The following DOCK2 variants were observed in gnomAD, a reference collection of about 807,000 sequenced individuals.
The protein encoded by DOCK2 is dedicator of cytokinesis 2.
A neutral mutation model predicts 248.9 loss-of-function variants in DOCK2; 87 were observed. The observed-to-expected ratio is 0.35, with a 90% CI of 0.29 to 0.42. The LOEUF (loss-of-function observed/expected upper bound fraction) is 0.42, where lower values mean the gene tolerates loss of function less well. DOCK2 is among the 10% of genes least tolerant of loss of function. The pLI, the probability that DOCK2 is intolerant of heterozygous loss-of-function variation, is 1.00. For missense variants in DOCK2, 1,747 were observed against 2,300.2 expected (o/e 0.76, Z 4.92); for synonymous variants, 805 against 821.6 (o/e 0.98, Z 0.35).
At chr5:169,718,382 C>T (rs1762015665) in intron 21 of DOCK2, among the ~76,000 whole-genome samples, 1 of 152,152 alleles carries the variant, frequency 6.6e-6, no homozygotes, top group Non-Finnish European at 1.5e-5. Context: ...CCATTATTCC[C>T]ACTTGTAGCC....
intron 27 of DOCK2, chr5:169,935,009 C>T: frequency 3.9e-6 from 1 of 257,470 alleles, no homozygotes; most frequent in Non-Finnish European, 7.7e-6. Flanking sequence ...CTGACTGCAG[C>T]CATCTAAGAT....
chr5:170,022,372 T>G (rs1755759454), intron 33 of DOCK2, among the ~76,000 whole-genome samples: 1 of 152,196 alleles, frequency 6.6e-6, no homozygotes, highest in Non-Finnish European at 1.5e-5. Context: ...GGCAATCTCT[T>G]TCTCTGCTCT....
At chr5:169,965,034 C>T (rs1284269722) in intron 27 of DOCK2, among the ~76,000 whole-genome samples, 1 of 152,220 alleles carries the variant, frequency 6.6e-6, no homozygotes, top group Non-Finnish European at 1.5e-5. Context: ...TTCATTCAAT[C>T]GCCAAACATC....
intron 1 of DOCK2, among the ~76,000 whole-genome samples, chr5:169,641,286 T>C (rs976414137): frequency 2.0e-5 from 3 of 152,158 alleles, no homozygotes; most frequent in Non-Finnish European, 2.9e-5. Context: ...GAGGGCACAA[T>C]TCAAACCATA....
intron 27 of DOCK2, among the ~76,000 whole-genome samples, chr5:169,901,296 C>T (rs1159033014): frequency 6.6e-6 from 1 of 152,116 alleles, no homozygotes; most frequent in Non-Finnish European, 1.5e-5. Flanking sequence ...GGATGGAATC[C>T]AGAGAGCAGG....
At chr5:170,078,927 A>G (rs769743023) in intron 48 of DOCK2, 48 bp from the exon 49 acceptor site, 26 of 1,606,592 alleles carry the variant, frequency 1.6e-5, no homozygotes, top group Non-Finnish European at 2.2e-5. Context: ...AGGCAGTTCT[A>G]CTGAAGCTCT....
At chr5:169,932,907 A>C (rs577193301) in intron 27 of DOCK2, among the ~76,000 whole-genome samples, 1 of 152,270 alleles carries the variant, frequency 6.6e-6, no homozygotes, top group Non-Finnish European at 1.5e-5. Context: ...CCAATCCTGC[A>C]TCCTCAAACT....
intron 1 of DOCK2, among the ~76,000 whole-genome samples, chr5:169,637,817 T>C (rs1016363945): frequency 1.4e-4 from 22 of 152,110 alleles, no homozygotes; most frequent in Non-Finnish European, 2.8e-4. Flanking sequence ...CCCCTGTCTG[T>C]TCCTCCTGGG....
chr5:169,642,772 G>A (rs911194508), intron 1 of DOCK2, among the ~76,000 whole-genome samples: 8 of 152,178 alleles, frequency 5.3e-5, no homozygotes, highest in Admixed American at 4.6e-4. Context: ...CACCTCATTA[G>A]GCAGTGGACA....
Position 169,915,471 on chromosome 5 carries a change from A to G in DOCK2, c.2800-67597A>G, listed in dbSNP as rs529257818. 4.4e-4 allele frequency among the ~76,000 whole-genome samples: 67 copies of G among 152,170 alleles called. 1 individual carries two copies. The highest frequency in any genetic ancestry group is 4.1e-3 in the East Asian group (21 of 5,178). ...ATTTACCCAAGGTCATGTAACTAAT[A>G]TATTGAATCTCAGATGTTTTAATGA... is the stretch of plus-strand genomic sequence containing the variant. On this transcript the variant is annotated intron_variant, in intron 27 of 51. Coordinates refer to ENST00000520908, the MANE Select transcript of DOCK2 (RefSeq NM_004946.3).
chr5:170,024,510 A>G (rs898163197), intron 33 of DOCK2, among the ~76,000 whole-genome samples: 6 of 152,156 alleles, frequency 3.9e-5, no homozygotes, highest in Middle Eastern at 3.4e-3. Flanking sequence ...GCCTATGATG[A>G]TGACAATGAC....
intron 25 of DOCK2, among the ~76,000 whole-genome samples, chr5:169,762,988 T>TC (rs1185546606): frequency 6.6e-6 from 1 of 152,220 alleles, no homozygotes; most frequent in African/African-American, 2.4e-5. Context: ...CTGTATCCTC[T>TC]CCCCAGAGTT....
chr5:169,753,179 C>CA (rs1389971097), intron 23 of DOCK2, among the ~76,000 whole-genome samples: 1 of 152,202 alleles, frequency 6.6e-6, no homozygotes, highest in Non-Finnish European at 1.5e-5. Context: ...ATCTTTGTAA[C>CA]AACAACCTTA....
At chr5:170,066,053 G>A (rs1264435958) in intron 44 of DOCK2, among the ~76,000 whole-genome samples, 1 of 149,580 alleles carries the variant, frequency 6.7e-6, no homozygotes, top group African/African-American at 2.5e-5. Context: ...CTGGGCTCAT[G>A]CCATTCTCCT....
At position 169,983,182 on chromosome 5, in the gene DOCK2, G is replaced by T. The variant is rs1470454543; in HGVS notation, c.2898+16G>T. 5 of 1,613,378 alleles carry T rather than the reference G, an allele frequency of 3.1e-6. No homozygotes were observed. The highest frequency in any genetic ancestry group is 4.2e-6 in the Non-Finnish European group (5 of 1,179,454). On this transcript the variant is annotated intron_variant, in intron 28 of 51. Transcript: ENST00000520908. ...TGAACTTGTGGTGAGTCTGCAGGAT[G>T]CTGGGGGTGAGGAAGAACTCTTCCA...
intron 26 of DOCK2, among the ~76,000 whole-genome samples, chr5:169,839,295 C>A (rs1409810509): frequency 1.3e-5 from 2 of 152,180 alleles, no homozygotes; most frequent in Non-Finnish European, 1.5e-5. Flanking sequence ...AGCAGAGGAC[C>A]CAGGCATGTA....
intron 27 of DOCK2, among the ~76,000 whole-genome samples, chr5:169,849,846 C>T (rs1770527485): frequency 6.6e-6 from 1 of 152,192 alleles, no homozygotes; most frequent in South Asian, 2.1e-4. Context: ...ATGCTTCCTT[C>T]CCATTGAGAT....
At chr5:169,712,328 C>A in intron 17 of DOCK2, 105 bp downstream of exon 17, 1 of 962,836 alleles carries the variant, frequency 1.0e-6, no homozygotes, top group Non-Finnish European at 1.6e-6. Flanking sequence ...GAATCACACA[C>A]ACCAGAGTTT....
chr5:169,816,520 A>G (rs1315069507), intron 26 of DOCK2, among the ~76,000 whole-genome samples: 3 of 152,024 alleles, frequency 2.0e-5, no homozygotes, highest in African/African-American at 7.3e-5. Context: ...ACTCAGCTTA[A>G]TTTTCCTCTC....
Sources: gnomAD v4.1 joint callset for allele counts (sites outside exome capture counted in the v4.1 genomes callset) on GRCh38, gnomAD v4.1.1 for gene constraint, MANE v1.5 for transcripts, NCBI Gene and HGNC (gene_info 2026-07-23, HGNC 2026-07-21) for gene names.